Variants in MAGI2 observed in about 807,000 individuals in gnomAD.
MAGI2 encodes the protein membrane-associated guanylate kinase, WW and PDZ domain-containing protein 2.
MAGI2 carries 35 observed loss-of-function variants against 133.3 expected under a neutral mutation model. The ratio of observed to expected loss-of-function variants is 0.26; its 90% CI spans 0.20 to 0.35. MAGI2 has a LOEUF of 0.35. Ranked by LOEUF, MAGI2 falls within the 10% of genes least tolerant of loss-of-function variation. The probability of loss-of-function intolerance (pLI) is 1.00; values close to 1 mark genes in which losing one functional copy is unlikely to be tolerated. For missense variants in MAGI2, 1,636 were observed against 1,863.4 expected, an observed-to-expected ratio of 0.88 and a Z score of 2.25; for synonymous variants, 729 against 710.6, an observed-to-expected ratio of 1.03 and a Z score of -0.41.
chr7:78,938,181 T>C lies in MAGI2; in HGVS notation c.418+68909A>G, dbSNP rs372386842. 2.9e-4 allele frequency among the ~76,000 whole-genome samples: 44 copies of C among 151,932 alleles called. No individual in the cohort carries two copies. In the South Asian group the frequency reaches 5.8e-3, roughly 20 times the overall value. ...ATTTACATATGTTGAAAAAACAAAA[T>C]AGACTTGTACAAAGGAAAAACTGGG... On this transcript the variant is annotated intron_variant, in intron 2 of 21. Coordinates refer to ENST00000354212, the MANE Select transcript of MAGI2 (RefSeq NM_012301.4).
At chr7:78,281,509 T>C (rs1795577378) in intron 9 of MAGI2, among the ~76,000 whole-genome samples, 3 of 152,156 alleles carry the variant, frequency 2.0e-5, no homozygotes, top group Admixed American at 1.3e-4. Flanking sequence ...CCTTCCACCA[T>C]GATTGTAAGT....
At chr7:78,098,321 A>G (rs1314747846) in intron 20 of MAGI2, among the ~76,000 whole-genome samples, 3 of 152,154 alleles carry the variant, frequency 2.0e-5, no homozygotes, top group Non-Finnish European at 2.9e-5. Context: ...GTAGTATTTC[A>G]AGTTTTAAAA....
chr7:78,727,682 G>A (rs1043355436), intron 2 of MAGI2, among the ~76,000 whole-genome samples: 7 of 152,152 alleles, frequency 4.6e-5, no homozygotes, highest in Admixed American at 1.3e-4. Flanking sequence ...GGTAACACTT[G>A]GTCAAACGCT....
At chr7:78,453,976 G>A (rs994135687) in intron 6 of MAGI2, among the ~76,000 whole-genome samples, 1 of 152,030 alleles carries the variant, frequency 6.6e-6, no homozygotes, top group African/African-American at 2.4e-5. Flanking sequence ...CAAGTATAAT[G>A]ATAAAATCGG....
At chr7:78,946,787 T>C (rs1301238770) in intron 2 of MAGI2, 1 of 152,180 alleles carries the variant, frequency 6.6e-6, no homozygotes, top group African/African-American at 2.4e-5. Flanking sequence ...AATTCATCTG[T>C]TTATATTGGG....
intron 1 of MAGI2, among the ~76,000 whole-genome samples, chr7:79,143,767 ATTACT>A (rs1289777515): frequency 6.6e-6 from 1 of 152,198 alleles, no homozygotes; most frequent in Non-Finnish European, 1.5e-5. Context: ...TAGTTAAAAC[ATTACT>A]TTACAATTAT....
At chr7:78,245,989 G>A (rs1170321677) in intron 10 of MAGI2, among the ~76,000 whole-genome samples, 1 of 152,154 alleles carries the variant, frequency 6.6e-6, no homozygotes, top group Non-Finnish European at 1.5e-5. Context: ...CCCCTGTTCA[G>A]TGGTTCACCA....
At chr7:78,917,816 C>A (rs1345946793) in intron 2 of MAGI2, among the ~76,000 whole-genome samples, 2 of 152,096 alleles carry the variant, frequency 1.3e-5, no homozygotes, top group Admixed American at 1.3e-4. Context: ...AAGCACTTTA[C>A]TTATGTTAAT....
intron 15 of MAGI2, among the ~76,000 whole-genome samples, chr7:78,162,539 AAAAAC>A (rs1825165076): frequency 6.6e-6 from 1 of 151,230 alleles, no homozygotes; most frequent in Non-Finnish European, 1.5e-5. Context: ...AAAAAAAACA[AAAAAC>A]AAAAACGAAA....
intron 1 of MAGI2, among the ~76,000 whole-genome samples, chr7:79,179,887 A>T (rs1271322629): frequency 6.6e-6 from 1 of 152,052 alleles, no homozygotes; most frequent in African/African-American, 2.4e-5. Context: ...GTTAAGACAG[A>T]AAAGCGCAGG....
intron 14 of MAGI2, among the ~76,000 whole-genome samples, chr7:78,173,437 A>C (rs1826295819): frequency 6.6e-6 from 1 of 152,204 alleles, no homozygotes; most frequent in Non-Finnish European, 1.5e-5. Context: ...GCGGTTGAAG[A>C]TAATATCTAC....
intron 9 of MAGI2, among the ~76,000 whole-genome samples, chr7:78,287,598 G>T (rs889314769): frequency 6.6e-6 from 1 of 152,104 alleles, no homozygotes; most frequent in Non-Finnish European, 1.5e-5. Context: ...AGTCATAAAG[G>T]AAATCTGTAT....
At chr7:78,911,069 T>G (rs1310949369) in intron 2 of MAGI2, among the ~76,000 whole-genome samples, 1 of 152,218 alleles carries the variant, frequency 6.6e-6, no homozygotes, top group Non-Finnish European at 1.5e-5. Flanking sequence ...CTGCTTTTGC[T>G]TCCCTTGTCT....
intron 2 of MAGI2, among the ~76,000 whole-genome samples, chr7:78,950,337 C>A (rs1227865189): frequency 1.3e-5 from 2 of 152,120 alleles, no homozygotes; most frequent in African/African-American, 2.4e-5. Flanking sequence ...TCTAACTGAA[C>A]TAGCTTACAT....
chr7:78,489,048 C>T (rs1195083025), intron 6 of MAGI2, among the ~76,000 whole-genome samples: 5 of 151,894 alleles, frequency 3.3e-5, no homozygotes, highest in Non-Finnish European at 5.9e-5. Context: ...ATCATCTTAG[C>T]TAAACTGTAA....
At chr7:78,058,512 C>T (rs1006989909) in intron 21 of MAGI2, among the ~76,000 whole-genome samples, 16 of 146,266 alleles carry the variant, frequency 1.1e-4, no homozygotes, top group South Asian at 2.1e-4. Context: ...CGCTTTGTTG[C>T]CCAGGCTGGT....
At position 78,062,558 on chromosome 7, in the gene MAGI2, C is replaced by T. The variant is rs114637434; in HGVS notation, c.3706+16389G>A. 7.4e-3 allele frequency among the ~76,000 whole-genome samples: 1,121 copies of T among 152,308 alleles called. 15 individuals are homozygous for T. The highest frequency in any genetic ancestry group is 0.02 in the African/African-American group (824 of 41,562). On this transcript the variant is annotated intron_variant, in intron 21 of 21. Coordinates refer to ENST00000354212, the MANE Select transcript of MAGI2 (RefSeq NM_012301.4). Reference sequence around the variant, plus strand: ...ATTGCTTTTCTCTCTGGTTCTCTTCCTGTCTCTCAGATTGCCCTCTCCTGA... The same window carrying T: ...ATTGCTTTTCTCTCTGGTTCTCTTCTTGTCTCTCAGATTGCCCTCTCCTGA...
At chr7:78,717,245 A>G (rs1276633388) in intron 2 of MAGI2, among the ~76,000 whole-genome samples, 1 of 150,888 alleles carries the variant, frequency 6.6e-6, no homozygotes, top group East Asian at 2.0e-4. Context: ...CCATCTTAAC[A>G]GTAACATGGA....
intron 18 of MAGI2, among the ~76,000 whole-genome samples, chr7:78,132,645 A>T (rs187703063): frequency 4.1e-4 from 63 of 152,320 alleles, no homozygotes; most frequent in African/African-American, 1.4e-3. Flanking sequence ...AGCCCTACTC[A>T]TCTGCAACTG....
Sources: gnomAD v4.1 joint callset for allele counts (sites outside exome capture counted in the v4.1 genomes callset) on GRCh38, gnomAD v4.1.1 for gene constraint, MANE v1.5 for transcripts, NCBI Gene and HGNC (gene_info 2026-07-23, HGNC 2026-07-21) for gene names.